The following UNC80 variants were observed in gnomAD, a reference collection of about 807,000 sequenced individuals.
UNC80 encodes the protein protein unc-80 homolog.
Under a neutral mutation model 384.6 loss-of-function variants are expected in UNC80, and 164 were observed. The observed-to-expected ratio is 0.43, with a 90% CI of 0.38 to 0.49. The LOEUF is 0.49. Ranked by LOEUF, UNC80 falls within the 20% of genes least tolerant of loss-of-function variation. The pLI is 0.00. For missense variants in UNC80, 3,330 were observed against 4,143.0 expected, an observed-to-expected ratio of 0.80 and a Z score of 5.39; for synonymous variants, 1,486 against 1,527.8, an observed-to-expected ratio of 0.97 and a Z score of 0.64.
At chr2:209,921,786 C>A in intron 34 of UNC80, 100 bp downstream of exon 34, 1 of 1,280,370 alleles carries the variant, frequency 7.8e-7, no homozygotes, top group Non-Finnish European at 1.1e-6. Context: ...AGGTGATATG[C>A]CCCCTTCCAT....
intron 7 of UNC80, among the ~76,000 whole-genome samples, chr2:209,805,812 C>T (rs2078861641): frequency 6.6e-6 from 1 of 152,178 alleles, no homozygotes; most frequent in Non-Finnish European, 1.5e-5. Context: ...ATCAATTCTG[C>T]TATACTCTTT....
chr2:209,794,717 C>T (rs1475265760), intron 7 of UNC80: 2 of 443,264 alleles, frequency 4.5e-6, no homozygotes, highest in Non-Finnish European at 9.0e-6. Flanking sequence ...GTGAGTAAAT[C>T]TCATGAGATC....
Position 209,777,372 on chromosome 2 carries a change from G to C in UNC80, c.413G>C (p.Gly138Ala). 1 of 1,614,208 alleles carries C rather than the reference G, an allele frequency of 6.2e-7. No individual in the cohort carries two copies. Among genetic ancestry groups the C allele is most frequent in the Non-Finnish European group, 8.5e-7 (1 of 1,180,044 alleles). ...GAGCGGTTTGGGGGTACAGACCGAG[G>C]CTCCAGCTGGGGTGGAAGCAGCAGT... Reference protein sequence around the residue: ...NNERFGGTDRGSSWGGSSSAF... With the variant: ...NNERFGGTDRASSWGGSSSAF... Residue 138 changes from glycine (G) to alanine (A), a missense_variant, in exon 4 of 65, where the codon GGC becomes GCC. By Grantham distance (60) the Gly-to-Ala change is moderately conservative. Transcript: ENST00000673920.
intron 41 of UNC80, 54 bp downstream of exon 41, chr2:209,936,987 CT>C: frequency 7.9e-7 from 1 of 1,270,694 alleles, no homozygotes; most frequent in Non-Finnish European, 1.1e-6. Context: ...CTTATCATGC[CT>C]ACCTGAGGGT....
rs1351846490 is a variant in UNC80, at chr2:209,816,983, G to A, written c.1410G>A (p.Arg470=). The A allele has an allele frequency of 6.4e-7, 1 of 1,551,676 alleles. No homozygotes were observed. The highest frequency in any genetic ancestry group is 1.4e-5 in the African/African-American group (1 of 73,130). Residue 470 remains arginine, a synonymous_variant, in exon 10 of 65, where the codon CGG becomes CGA. Transcript: ENST00000673920. ...ACCACACAGGCAAGAGGAGGCCACG[G>A]AGAATGGGAGTGCCCTTCCTGCTTC... ...PFHHTGKRRP[R]RMGVPFLLHE...
chr2:209,781,543 A>G (rs958378881), intron 4 of UNC80, among the ~76,000 whole-genome samples: 3 of 152,160 alleles, frequency 2.0e-5, no homozygotes, highest in Admixed American at 6.5e-5. Context: ...CTCTTCTTGA[A>G]AGGTTCAGTT....
chr2:209,808,962 C>T (rs1015561629), intron 7 of UNC80: 7 of 315,204 alleles, frequency 2.2e-5, no homozygotes, highest in South Asian at 1.1e-4. Flanking sequence ...TCATCTGGGA[C>T]GCCTTCCTGG....
chr2:209,906,767 A>G (rs928454689), intron 29 of UNC80, among the ~76,000 whole-genome samples: 3 of 152,220 alleles, frequency 2.0e-5, no homozygotes, highest in South Asian at 2.1e-4. Flanking sequence ...ATGTATATGT[A>G]TATACATTGT....
Position 209,808,767 on chromosome 2 carries a change from T to TTCTGCGCTACTCAGCGACCTCGTTGCC in UNC80, c.939-4807_939-4781dup, listed in dbSNP as rs1381259847. On this transcript the variant is annotated intron_variant, in intron 7 of 64. Transcript: ENST00000673920. ...CTAGTGAGTGGGTCGCCTGCGCTAC[T>TTCTGCGCTACTCAGCGACCTCGTTGCC]TCTGCGCTACTCAGCGACCTCGTTG... The TTCTGCGCTACTCAGCGACCTCGTTGCC allele has an allele frequency of 0.025, 1,464 of 59,240 alleles. 25 individuals carry two copies. The African/African-American group carries it at 0.3, about 12-fold the overall frequency. The allele number at this position is 59,240 out of a possible 1,614,324, so 3.7% of individuals were successfully genotyped here.
chr2:209,815,920 T>C (rs1295350656), intron 9 of UNC80, among the ~76,000 whole-genome samples: 5 of 152,160 alleles, frequency 3.3e-5, no homozygotes. Context: ...TTGTAAGTAA[T>C]TGGAGATAAA....
chr2:209,973,559 G>A (rs2092936725), intron 56 of UNC80, among the ~76,000 whole-genome samples: 2 of 152,194 alleles, frequency 1.3e-5, no homozygotes, highest in Admixed American at 1.3e-4. Context: ...CATCTGCCAT[G>A]CCTAAATTAC....
At chr2:209,830,966 C>G (rs987176147) in intron 15 of UNC80, among the ~76,000 whole-genome samples, 54 of 152,182 alleles carry the variant, frequency 3.5e-4, no homozygotes, top group Admixed American at 1.2e-3. Context: ...TTCTCCCTTC[C>G]CAGCTACCTG....
chr2:209,779,476 C>T (rs1295246150), intron 4 of UNC80, among the ~76,000 whole-genome samples: 1 of 146,450 alleles, frequency 6.8e-6, no homozygotes, highest in African/African-American at 2.7e-5. Flanking sequence ...GCATGCTATC[C>T]TACATTTTTT....
At chr2:209,882,567 T>G (rs1351350681) in intron 25 of UNC80, among the ~76,000 whole-genome samples, 1 of 152,220 alleles carries the variant, frequency 6.6e-6, no homozygotes, top group African/African-American at 2.4e-5. Flanking sequence ...ACTGCCCTTA[T>G]GTAATTTCAT....
intron 48 of UNC80, 151 bp downstream of exon 48, chr2:209,954,421 G>C (rs2092323244): frequency 3.3e-6 from 2 of 612,444 alleles, no homozygotes; most frequent in East Asian, 6.0e-5. Flanking sequence ...CCTTATAACT[G>C]TGAACAGTTC....
chr2:209,960,870 G>A (rs1316989721), intron 51 of UNC80: 1 of 152,212 alleles, frequency 6.6e-6, no homozygotes, highest in African/African-American at 2.4e-5. Context: ...AGGGACATTT[G>A]GAGTGTTAAG....
chr2:209,922,434 C>T (rs2090110825), intron 35 of UNC80, 51 bp downstream of exon 35: 1 of 1,522,040 alleles, frequency 6.6e-7, no homozygotes, highest in African/African-American at 1.4e-5. Flanking sequence ...TGTTTTGAAA[C>T]ACTTTCCAGT....
chr2:209,976,806 A>T lies in UNC80; in HGVS notation c.8773-107A>T. 1 of 1,252,888 alleles carries T rather than the reference A, an allele frequency of 8.0e-7. No individual in the cohort carries two copies. The highest frequency in any genetic ancestry group is 1.1e-6 in the Non-Finnish European group (1 of 925,250). The allele number at this position is 1,252,888 out of a possible 1,614,324, so 77.6% of individuals were successfully genotyped here. A position where few individuals can be genotyped will look rare whatever the true frequency, so the allele number is the denominator to read the frequency against. Reference sequence around the variant, plus strand: ...TGTAAAGTGCCGTTCTAGGAACATCACATGCATTACCTTATTTATTCCTCA... The same window carrying T: ...TGTAAAGTGCCGTTCTAGGAACATCTCATGCATTACCTTATTTATTCCTCA... On this transcript the variant is annotated intron_variant, in intron 57 of 64. Transcript: ENST00000673920. The surrounding 1 kb of genome is among the most constrained non-coding windows in gnomAD (Gnocchi z 4.3).
rs1199087845 is a variant in UNC80, at chr2:209,815,399, G to T, written c.1335+8G>T. 6.5e-7 allele frequency: 1 copy of T among 1,549,898 alleles called. No homozygotes were observed. The highest frequency in any genetic ancestry group is 8.7e-7 in the Non-Finnish European group (1 of 1,146,240). ...ATGAATATTTTTAAAAAGGTGAGTA[G>T]AAATGCTTATGCTCTTTGATATTTT... is the stretch of plus-strand genomic sequence containing the variant. On this transcript the variant is annotated splice_region_variant and intron_variant, in intron 9 of 64. Transcript: ENST00000673920.
Sources: allele counts gnomAD v4.1 joint callset (sites outside exome capture counted in the v4.1 genomes callset), GRCh38; gene constraint gnomAD v4.1.1; non-coding constraint Gnocchi (gnomAD v3.1); transcripts MANE v1.5; gene names NCBI Gene and HGNC (gene_info 2026-07-23, HGNC 2026-07-21).